Variants in ANKRD30BL observed in about 807,000 individuals in gnomAD.
ANKRD30BL encodes ankyrin repeat domain 30B like.
A neutral mutation model predicts 18.4 loss-of-function variants in ANKRD30BL; 20 were observed. The observed-to-expected ratio is 1.09, with a 90% CI of 0.77 to 1.58. The LOEUF is 1.58. ANKRD30BL is among the 40% of genes most tolerant of loss of function. The pLI, the probability that ANKRD30BL is intolerant of heterozygous loss-of-function variation, is 0.00. For missense variants in ANKRD30BL, 224 were observed against 268.6 expected, an observed-to-expected ratio of 0.83 and a Z score of 1.16; for synonymous variants, 72 against 100.9, an observed-to-expected ratio of 0.71 and a Z score of 1.72.
At chr2:132,251,697 G>A (rs932808410) in intron 1 of ANKRD30BL, among the ~76,000 whole-genome samples, 4 of 152,078 alleles carry the variant, frequency 2.6e-5, no homozygotes, top group African/African-American at 9.7e-5. Flanking sequence ...TCTGATATCA[G>A]GATAGGAAAT....
intron 1 of ANKRD30BL, among the ~76,000 whole-genome samples, chr2:132,198,506 G>A (rs1401644156): frequency 6.6e-6 from 1 of 151,188 alleles, no homozygotes. Context: ...TGCATCTTCA[G>A]TAGAGACGGG....
chr2:132,188,713 AAACAAC>A (rs72500297), intron 1 of ANKRD30BL, among the ~76,000 whole-genome samples: 8 of 151,612 alleles, frequency 5.3e-5, no homozygotes, highest in Admixed American at 2.6e-4. Context: ...CTGTCTCAGA[AAACAAC>A]AACAACAACA....
intron 1 of ANKRD30BL, among the ~76,000 whole-genome samples, chr2:132,198,268 T>TTTCC (rs1428022123): frequency 2.7e-5 from 3 of 109,776 alleles, no homozygotes; most frequent in African/African-American, 1.5e-4. Flanking sequence ...TCTTTCTTTC[T>TTTCC]TTTCTTTCTT....
At chr2:132,160,996 A>G (rs1421839544) in intron 1 of ANKRD30BL, among the ~76,000 whole-genome samples, 1 of 147,558 alleles carries the variant, frequency 6.8e-6, no homozygotes, top group African/African-American at 2.5e-5. Flanking sequence ...AGCAAAGAAT[A>G]TATTTACATA....
At chr2:132,151,817 C>T (rs1687765486) in intron 4 of ANKRD30BL, among the ~76,000 whole-genome samples, 1 of 151,822 alleles carries the variant, frequency 6.6e-6, no homozygotes, top group African/African-American at 2.4e-5. Context: ...CCAAATTATA[C>T]TCTATTACTG....
chr2:132,182,279 C>G (rs1410493885), intron 1 of ANKRD30BL, among the ~76,000 whole-genome samples: 1 of 151,752 alleles, frequency 6.6e-6, no homozygotes, highest in East Asian at 1.9e-4. Flanking sequence ...TCAGGAGATC[C>G]ATACCATCCT....
chr2:132,187,757 G>T (rs1688593683), intron 1 of ANKRD30BL, among the ~76,000 whole-genome samples: 1 of 150,536 alleles, frequency 6.6e-6, no homozygotes, highest in African/African-American at 2.5e-5. Flanking sequence ...TTTTAGAATA[G>T]ATTCTTTTTT....
intron 1 of ANKRD30BL, chr2:132,256,941 A>T: frequency 2.0e-6 from 1 of 493,618 alleles, no homozygotes; most frequent in South Asian, 1.5e-5. Flanking sequence ...GGCACCTGGG[A>T]GCCCGCAGAG....
At chr2:132,192,985 C>A (rs533041778) in intron 1 of ANKRD30BL, among the ~76,000 whole-genome samples, 1 of 152,294 alleles carries the variant, frequency 6.6e-6, no homozygotes, top group Non-Finnish European at 1.5e-5. Flanking sequence ...ACTGAAATAT[C>A]TGAGACGAGG....
At chr2:132,252,857 C>A (rs986185737) in intron 1 of ANKRD30BL, among the ~76,000 whole-genome samples, 4 of 152,194 alleles carry the variant, frequency 2.6e-5, no homozygotes, top group Non-Finnish European at 4.4e-5. Flanking sequence ...GAACCCAGAC[C>A]GTGATGGTGG....
chr2:132,204,309 A>G (rs1344141766), intron 1 of ANKRD30BL, among the ~76,000 whole-genome samples: 4 of 151,784 alleles, frequency 2.6e-5, no homozygotes, highest in African/African-American at 4.8e-5. Context: ...ATGTCTCTCA[A>G]TATCAGTGAT....
At chr2:132,155,554 A>G (rs572559897) in intron 3 of ANKRD30BL, 1 of 152,278 alleles carries the variant, frequency 6.6e-6, no homozygotes, top group South Asian at 2.1e-4. Context: ...TAAATGGTCC[A>G]TGGGGTTTAT....
Position 132,196,814 on chromosome 2 carries a change from G to GA in ANKRD30BL, n.442-39669dup, listed in dbSNP as rs1427688100. 3.9e-3 allele frequency among the ~76,000 whole-genome samples: 536 copies of GA among 138,322 alleles called. 3 individuals are homozygous for GA. Among genetic ancestry groups the GA allele is most frequent in the African/African-American group, 0.011 (418 of 37,566 alleles). 90.7% of individuals were successfully genotyped at this position (138,322 alleles called of 152,430 possible). On this transcript the variant is annotated intron_variant and non_coding_transcript_variant, in intron 1 of 4. Transcript: ENST00000470729. The stretch of plus-strand genomic sequence containing the variant: ...AGAGCAAGACTCCATCTCAAAAAAG[G>GA]AAAAAAAAAAATAAAAGCTCTAGAA...
intron 1 of ANKRD30BL, among the ~76,000 whole-genome samples, chr2:132,177,108 G>A (rs1466326838): frequency 6.6e-6 from 1 of 151,316 alleles, no homozygotes; most frequent in African/African-American, 2.4e-5. Flanking sequence ...CTTTTTTGGT[G>A]CATATCTTTT....
intron 1 of ANKRD30BL, among the ~76,000 whole-genome samples, chr2:132,239,920 T>A (rs1315012233): frequency 6.6e-6 from 1 of 151,968 alleles, no homozygotes; most frequent in African/African-American, 2.4e-5. Context: ...ACACTCTTTT[T>A]GTAGAATCTG....
chr2:132,225,411 G>A (rs1035398491), intron 1 of ANKRD30BL, among the ~76,000 whole-genome samples: 6 of 152,044 alleles, frequency 3.9e-5, no homozygotes, highest in Admixed American at 2.0e-4. Flanking sequence ...TTATGATAGA[G>A]CAGTTTTGAA....
chr2:132,175,279 A>G (rs1558920006), intron 1 of ANKRD30BL, among the ~76,000 whole-genome samples: 1 of 151,868 alleles, frequency 6.6e-6, no homozygotes, highest in South Asian at 2.1e-4. Context: ...GCAAAAAAAC[A>G]TGTGAGCAGA....
chr2:132,148,564 T>C (rs575501068), intron 5 of ANKRD30BL, among the ~76,000 whole-genome samples: 2 of 151,878 alleles, frequency 1.3e-5, no homozygotes, highest in South Asian at 4.2e-4. Flanking sequence ...GAGATGGGAT[T>C]TCACCATGTT....
chr2:132,228,943 A>C (rs551643599), intron 1 of ANKRD30BL, among the ~76,000 whole-genome samples: 1 of 152,046 alleles, frequency 6.6e-6, no homozygotes, highest in East Asian at 1.9e-4. Context: ...AATTATCTTC[A>C]CATAAAAAAT....
Sources: allele counts gnomAD v4.1 joint callset (sites outside exome capture counted in the v4.1 genomes callset), GRCh38; gene constraint gnomAD v4.1.1; transcripts MANE v1.5; gene names NCBI Gene and HGNC (gene_info 2026-07-23, HGNC 2026-07-21).